The following MYO3B variants were observed in gnomAD, a reference collection of about 807,000 sequenced individuals.
MYO3B encodes myosin-IIIb.
A neutral mutation model predicts 174.6 loss-of-function variants in MYO3B; 156 were observed. The ratio of observed to expected loss-of-function variants is 0.89; its 90% confidence interval spans 0.78 to 1.02. The LOEUF is 1.02. Among genes scored for constraint, MYO3B ranks in the 50% least tolerant of loss-of-function variants. The pLI is 0.00. For synonymous variants in MYO3B, 563 were observed against 569.1 expected, an observed-to-expected ratio of 0.99 and a Z score of 0.15; for missense variants, 1,632 against 1,639.4, an observed-to-expected ratio of 1.00 and a Z score of 0.08.
rs371410657 is a variant in MYO3B at position 170,404,248 on chromosome 2, T to C, written c.2279T>C (p.Met760Thr). The C allele has an allele frequency of 3.8e-5, 61 of 1,601,236 alleles. 1 individual carries two copies. In the African/African-American group the frequency reaches 7.2e-4, roughly 19 times the overall value. The change falls in exon 20 of 35, where the codon ATG (methionine) becomes ACG (threonine). Residue 760 changes from methionine (M) to threonine (T), a missense_variant and splice_region_variant. By Grantham distance (81) the Met-to-Thr change is moderately conservative. Transcript: ENST00000408978. Reference sequence around the variant, plus strand: ...GAATCACAATCCATTTCCCTCCAGATGGAATATCAGAATGAAGGCATTGAT... The same window carrying C: ...GAATCACAATCCATTTCCCTCCAGACGGAATATCAGAATGAAGGCATTGAT... ...FNQHVFALEQ[M>T]EYQNEGIDAV...
At chr2:170,644,942 C>T (rs1698251798) in intron 32 of MYO3B, among the ~76,000 whole-genome samples, 1 of 152,024 alleles carries the variant, frequency 6.6e-6, no homozygotes, top group African/African-American at 2.4e-5. Flanking sequence ...TCAGAAGGTG[C>T]AGGGCAGGGG....
At chr2:170,250,327 C>T (rs1022784899) in intron 7 of MYO3B, among the ~76,000 whole-genome samples, 3 of 152,208 alleles carry the variant, frequency 2.0e-5, no homozygotes, top group African/African-American at 7.2e-5. Context: ...ACCATAGGCT[C>T]AACATTTGTT....
Position 170,236,041 on chromosome 2 carries a change from C to G in MYO3B, c.654C>G (p.Asp218Glu). 6.2e-7 allele frequency: 1 copy of G among 1,614,050 alleles called. No individual in the cohort carries two copies. The part of the protein sequence containing the change: ...QYDSSYDARC[D>E]VWSLGITAIE... ...ACTCTTCCTATGACGCTCGCTGTGA[C>G]GTCTGGTCCTTGGGGATCACAGCTA... The change falls in exon 7 of 35, where the codon GAC (aspartate) becomes GAG (glutamate). Residue 218 changes from aspartate (D) to glutamate (E), a missense_variant. Asp to Glu is a conservative substitution (Grantham distance 45). Coordinates refer to ENST00000408978, the MANE Select transcript of MYO3B (RefSeq NM_138995.5).
At chr2:170,455,587 TAACATAGGAAGTGTTTA>T (rs1683860889) in intron 23 of MYO3B, among the ~76,000 whole-genome samples, 1 of 152,192 alleles carries the variant, frequency 6.6e-6, no homozygotes, top group Non-Finnish European at 1.5e-5. Context: ...TTTAGTGACA[TAACATAGGAAGTGTTTA>T]GTACAGTGAT....
intron 1 of MYO3B, among the ~76,000 whole-genome samples, chr2:170,183,223 C>T (rs1351169462): frequency 6.6e-6 from 1 of 152,082 alleles, no homozygotes; most frequent in Non-Finnish European, 1.5e-5. Flanking sequence ...CACCATTGCA[C>T]TCCAGCCTGG....
intron 23 of MYO3B, among the ~76,000 whole-genome samples, chr2:170,450,747 CA>C (rs1683554040): frequency 6.6e-6 from 1 of 152,034 alleles, no homozygotes; most frequent in Non-Finnish European, 1.5e-5. Context: ...TTAGTTTGAC[CA>C]TAAGGTAAGA....
At chr2:170,256,327 C>A (rs977800570) in intron 7 of MYO3B, among the ~76,000 whole-genome samples, 1 of 152,084 alleles carries the variant, frequency 6.6e-6, no homozygotes, top group Non-Finnish European at 1.5e-5. Context: ...CCCTAAGATG[C>A]ATAGTAATCA....
chr2:170,207,655 A>T (rs2105351955), intron 3 of MYO3B, among the ~76,000 whole-genome samples: 1 of 145,384 alleles, frequency 6.9e-6, no homozygotes, highest in African/African-American at 2.6e-5. Flanking sequence ...CAGTGAAGAG[A>T]GGAAGAGAAA....
At chr2:170,191,601 G>A (rs1401326054) in intron 1 of MYO3B, among the ~76,000 whole-genome samples, 1 of 152,078 alleles carries the variant, frequency 6.6e-6, no homozygotes, top group African/African-American at 2.4e-5. Flanking sequence ...TTTCTACTGT[G>A]ACAGGGCAGT....
At chr2:170,274,508 T>C (rs1351259672) in intron 7 of MYO3B, among the ~76,000 whole-genome samples, 1 of 152,128 alleles carries the variant, frequency 6.6e-6, no homozygotes, top group Non-Finnish European at 1.5e-5. Flanking sequence ...TCGGTAAATA[T>C]TGGATGAGTG....
At chr2:170,258,661 C>G (rs1038019715) in intron 7 of MYO3B, among the ~76,000 whole-genome samples, 19 of 152,074 alleles carry the variant, frequency 1.2e-4, no homozygotes, top group African/African-American at 4.6e-4. Flanking sequence ...GACAATGATG[C>G]CCACGTTCAC....
intron 32 of MYO3B, among the ~76,000 whole-genome samples, chr2:170,549,897 A>G (rs1449823014): frequency 2.0e-5 from 3 of 152,222 alleles, no homozygotes; most frequent in East Asian, 1.9e-4. Context: ...CAGCAATGCT[A>G]TGATCATAAA....
At chr2:170,650,701 T>C (rs1459067398) in intron 32 of MYO3B, among the ~76,000 whole-genome samples, 1 of 112,130 alleles carries the variant, frequency 8.9e-6, no homozygotes, top group African/African-American at 3.9e-5. Context: ...TTTTTTTTTT[T>C]GAGATGGAGT....
intron 1 of MYO3B, among the ~76,000 whole-genome samples, chr2:170,184,300 AT>A (rs1291431985): frequency 4.6e-5 from 7 of 151,904 alleles, no homozygotes; most frequent in East Asian, 3.9e-4. Context: ...TATTCATTCT[AT>A]TTTTTTGTAC....
At chr2:170,440,807 T>G (rs1452911751) in intron 22 of MYO3B, among the ~76,000 whole-genome samples, 1 of 144,564 alleles carries the variant, frequency 6.9e-6, no homozygotes, top group African/African-American at 2.5e-5. Context: ...GGTTTTTTTT[T>G]TTTTTTTTTT....
intron 8 of MYO3B, among the ~76,000 whole-genome samples, chr2:170,360,246 A>G (rs1332522223): frequency 6.6e-6 from 1 of 152,156 alleles, no homozygotes; most frequent in Admixed American, 6.5e-5. Flanking sequence ...AAGGGTGGCA[A>G]GTAGGATCAT....
intron 7 of MYO3B, among the ~76,000 whole-genome samples, chr2:170,273,031 G>T (rs111290508): frequency 0.038 from 5,827 of 152,184 alleles, 141 homozygotes; most frequent in Middle Eastern, 0.058. Context: ...GATGGGTTGG[G>T]GTGGGGTAGT....
At chr2:170,257,016 A>G (rs2093310210) in intron 7 of MYO3B, among the ~76,000 whole-genome samples, 1 of 152,238 alleles carries the variant, frequency 6.6e-6, no homozygotes, top group South Asian at 2.1e-4. Flanking sequence ...AGGACATTAC[A>G]TAATGATAAA....
At chr2:170,590,759 C>T (rs1461423189) in intron 32 of MYO3B, among the ~76,000 whole-genome samples, 1 of 152,012 alleles carries the variant, frequency 6.6e-6, no homozygotes, top group East Asian at 1.9e-4. Context: ...AGGGGAGAGT[C>T]GGTGGTGGGG....
Sources: gnomAD v4.1 joint callset for allele counts (sites outside exome capture counted in the v4.1 genomes callset) on GRCh38, gnomAD v4.1.1 for gene constraint, MANE v1.5 for transcripts, NCBI Gene and HGNC (gene_info 2026-07-23, HGNC 2026-07-21) for gene names.